The following PDE1C variants were observed in gnomAD, a reference collection of about 807,000 sequenced individuals.
The protein encoded by PDE1C is dual specificity calcium/calmodulin-dependent 3',5'-cyclic nucleotide phosphodiesterase 1C.
A neutral mutation model predicts 93.1 loss-of-function variants in PDE1C; 62 were observed. The observed-to-expected ratio is 0.67, with a 90% confidence interval of 0.54 to 0.82. PDE1C has a LOEUF of 0.82. Ranked by LOEUF, PDE1C falls within the 40% of genes least tolerant of loss-of-function variation. The pLI is 0.00. For missense variants in PDE1C, 742 were observed against 884.6 expected (o/e 0.84, Z 2.04); for synonymous variants, 325 against 310.1 (o/e 1.05, Z -0.50).
In PDE1C at chr7:31,894,825, C is replaced by T. The variant is rs542464266; in HGVS notation, c.129-13965G>A. ...CCCCTGCCAACAGCCATTCCCACCA[C>T]GAGAACCCCCAGGGAGCAGTGGAAA... On this transcript the variant is annotated intron_variant, in intron 2 of 17. Coordinates refer to ENST00000396191, the MANE Select transcript of PDE1C (RefSeq NM_001191057.4). Among the ~76,000 whole-genome samples, 96 of 152,228 alleles carry T rather than the reference C, an allele frequency of 6.3e-4. 1 individual carries two copies. In the South Asian group the frequency reaches 0.019, roughly 31 times the overall value.
chr7:32,228,573 C>G (rs1280501630), intron 1 of PDE1C, among the ~76,000 whole-genome samples: 2 of 152,164 alleles, frequency 1.3e-5, no homozygotes, highest in Non-Finnish European at 2.9e-5. Context: ...TTTCCAGCAC[C>G]TTTGTGTCCA....
At chr7:32,319,754 C>T (rs1202015736) in intron 1 of PDE1C, among the ~76,000 whole-genome samples, 1 of 152,130 alleles carries the variant, frequency 6.6e-6, no homozygotes, top group Non-Finnish European at 1.5e-5. Context: ...TTCCCAACAG[C>T]GACCGCTCTG....
At chr7:31,629,289 TTA>T in the PDE1C span, among the ~76,000 whole-genome samples, 141,754 of 152,206 alleles carry the variant, frequency 0.93, 66,373 homozygotes, top group East Asian at 0.99. Context: ...AACACAATCT[TTA>T]TATAGATTCA....
At chr7:31,714,463 A>G in the PDE1C span, among the ~76,000 whole-genome samples, 6 of 151,934 alleles carry the variant, frequency 3.9e-5, no homozygotes, top group African/African-American at 1.4e-4. Flanking sequence ...AACTCTTCCA[A>G]CCCCTACCTG....
intron 16 of PDE1C, among the ~76,000 whole-genome samples, chr7:31,794,065 C>CAGATAGAT (rs1562807767): frequency 4.5e-5 from 6 of 133,762 alleles, no homozygotes; most frequent in Admixed American, 7.3e-5. Context: ...GACAGACAGA[C>CAGATAGAT]AGACAGACAG....
chr7:32,235,432 T>A (rs958363334), intron 1 of PDE1C, among the ~76,000 whole-genome samples: 1 of 151,672 alleles, frequency 6.6e-6, no homozygotes, highest in African/African-American at 2.4e-5. Flanking sequence ...AAAAAACTCC[T>A]AGAACTAATG....
intron 1 of PDE1C, among the ~76,000 whole-genome samples, chr7:32,059,505 T>A (rs1407252961): frequency 1.3e-5 from 2 of 152,056 alleles, no homozygotes; most frequent in Non-Finnish European, 2.9e-5. Flanking sequence ...TCTTCACTGA[T>A]CTCCCTCCGC....
At chr7:32,049,553 A>C (rs1000311852) in intron 2 of PDE1C, among the ~76,000 whole-genome samples, 2 of 152,116 alleles carry the variant, frequency 1.3e-5, no homozygotes, top group Non-Finnish European at 2.9e-5. Context: ...TATTCTCTCC[A>C]CTGGACACCC....
intron 3 of PDE1C, among the ~76,000 whole-genome samples, chr7:32,084,787 A>T (rs1023508234): frequency 3.9e-5 from 5 of 128,716 alleles, no homozygotes; most frequent in African/African-American, 1.4e-4. Flanking sequence ...AGAAATAAAG[A>T]TGTTCTTTGA....
intron 2 of PDE1C, among the ~76,000 whole-genome samples, chr7:31,919,487 G>C (rs891667645): frequency 6.6e-6 from 1 of 152,100 alleles, no homozygotes; most frequent in African/African-American, 2.4e-5. Flanking sequence ...CAAGTATTGA[G>C]AAAGGTAGTT....
intron 2 of PDE1C, among the ~76,000 whole-genome samples, chr7:32,181,190 A>T (rs967885669): frequency 6.6e-6 from 1 of 152,188 alleles, no homozygotes; most frequent in African/African-American, 2.4e-5. Context: ...CTCCCACACA[A>T]TAATAACGGG....
chr7:32,300,389 C>T (rs1044998798), upstream of PDE1C, among the ~76,000 whole-genome samples: 6 of 152,126 alleles, frequency 3.9e-5, no homozygotes, highest in Non-Finnish European at 8.8e-5. Context: ...AACCTCATGC[C>T]ACATAGAATG....
intron 7 of PDE1C, among the ~76,000 whole-genome samples, chr7:31,857,802 A>C (rs532195179): frequency 1.3e-5 from 2 of 152,352 alleles, no homozygotes; most frequent in African/African-American, 4.8e-5. Flanking sequence ...ATCAGTTAAA[A>C]GAGATAATTC....
At chr7:32,010,643 T>G (rs1462127405) in intron 2 of PDE1C, among the ~76,000 whole-genome samples, 1 of 152,186 alleles carries the variant, frequency 6.6e-6, no homozygotes, top group Admixed American at 6.5e-5. Flanking sequence ...AATCAGAAAT[T>G]TATTGTCTTA....
chr7:32,394,296 T>G (rs1288272136), intron 1 of PDE1C, among the ~76,000 whole-genome samples: 1 of 152,192 alleles, frequency 6.6e-6, no homozygotes, highest in Non-Finnish European at 1.5e-5. Context: ...AGCAAAGGTG[T>G]AACAGGGATG....
chr7:31,895,685 TG>T (rs1799213222), intron 2 of PDE1C, among the ~76,000 whole-genome samples: 1 of 150,932 alleles, frequency 6.6e-6, no homozygotes, highest in Non-Finnish European at 1.5e-5. Context: ...AATCCCCACA[TG>T]TCAAGGGAGG....
At chr7:32,182,884 T>A (rs1803543170) in intron 2 of PDE1C, among the ~76,000 whole-genome samples, 1 of 152,164 alleles carries the variant, frequency 6.6e-6, no homozygotes, top group Non-Finnish European at 1.5e-5. Flanking sequence ...ATGACAAGAT[T>A]GTATATCTAG....
At chr7:31,876,969 T>A (rs577181746) in intron 5 of PDE1C, among the ~76,000 whole-genome samples, 1 of 152,346 alleles carries the variant, frequency 6.6e-6, no homozygotes, top group South Asian at 2.1e-4. Context: ...CAAGGGGCTC[T>A]TTCTTGACAT....
At chr7:31,925,153 G>C (rs1803206579) in intron 2 of PDE1C, among the ~76,000 whole-genome samples, 1 of 151,606 alleles carries the variant, frequency 6.6e-6, no homozygotes, top group Non-Finnish European at 1.5e-5. Flanking sequence ...ATCAAGATAA[G>C]AGCTGAAGAA....
Sources: gnomAD v4.1 joint callset for allele counts (sites outside exome capture counted in the v4.1 genomes callset) on GRCh38, gnomAD v4.1.1 for gene constraint, MANE v1.5 for transcripts, NCBI Gene and HGNC (gene_info 2026-07-23, HGNC 2026-07-21) for gene names.